DNM3: variants seen among roughly 807,000 people sequenced by gnomAD.
DNM3 encodes dynamin-3.
Under a neutral mutation model 101.6 loss-of-function variants are expected in DNM3, and 47 were observed. The ratio of observed to expected loss-of-function variants is 0.46; its 90% CI spans 0.37 to 0.59. The LOEUF is 0.59. Among genes scored for constraint, DNM3 ranks in the 20% least tolerant of loss-of-function variants. The probability of loss-of-function intolerance (pLI) is 0.00; values close to 1 mark genes in which losing one functional copy is unlikely to be tolerated. For synonymous variants in DNM3, 385 were observed against 387.9 expected, an observed-to-expected ratio of 0.99 and a Z score of 0.09; for missense variants, 849 against 1,085.7, an observed-to-expected ratio of 0.78 and a Z score of 3.06.
At chr1:171,964,607 G>A (rs1044262127) in intron 2 of DNM3, among the ~76,000 whole-genome samples, 2 of 152,084 alleles carry the variant, frequency 1.3e-5, no homozygotes, top group African/African-American at 4.8e-5. Context: ...CATGGGCAAT[G>A]GTCACCCATA....
intron 2 of DNM3, among the ~76,000 whole-genome samples, chr1:171,923,393 A>G (rs918909277): frequency 2.0e-5 from 3 of 151,996 alleles, no homozygotes; most frequent in South Asian, 2.1e-4. Context: ...TGTAACAGAT[A>G]TATATTAAAT....
intron 16 of DNM3, chr1:172,311,028 T>C (rs1162875579): frequency 4.6e-5 from 7 of 152,158 alleles, no homozygotes; most frequent in Admixed American, 1.3e-4. Context: ...AGATTCTTAT[T>C]TCTGAGATGA....
chr1:172,374,464 A>G (rs61806090), intron 17 of DNM3, among the ~76,000 whole-genome samples: 23,032 of 151,676 alleles, frequency 0.15, 2,127 homozygotes, highest in Non-Finnish European at 0.2. Flanking sequence ...TTTCTTCTGT[A>G]CTCCAGAAAG....
intron 2 of DNM3, among the ~76,000 whole-genome samples, chr1:171,983,697 A>G (rs2045010019): frequency 6.6e-6 from 1 of 152,160 alleles, no homozygotes; most frequent in Non-Finnish European, 1.5e-5. Context: ...CTCCATGAAC[A>G]AAAGATGCAT....
In DNM3 at chr1:172,093,570, T is replaced by C. The variant is rs1042231521; in HGVS notation, c.1545+695T>C. 3 of 710,396 alleles carry C rather than the reference T, an allele frequency of 4.2e-6. No individual in the cohort carries two copies. In the East Asian group the frequency reaches 8.3e-5, roughly 20 times the overall value. 44.0% of individuals were successfully genotyped at this position (710,396 alleles called of 1,614,324 possible). ...TAAAAAACTTTCAGAGGTACAATTA[T>C]TGAACAAATTGAAACCTCTGCTCTA... is the stretch of plus-strand genomic sequence containing the variant. On this transcript the variant is annotated intron_variant, in intron 13 of 20. Transcript: ENST00000627582.
intron 15 of DNM3, among the ~76,000 whole-genome samples, chr1:172,266,372 C>A (rs1308263857): frequency 6.6e-6 from 1 of 152,054 alleles, no homozygotes; most frequent in Non-Finnish European, 1.5e-5. Context: ...AACAATTACT[C>A]TTCCATAAAT....
At chr1:172,415,524 G>GGTTTTT (rs1231581260), downstream of DNM3, 1 of 99,130 alleles carries the variant, frequency 1.0e-5, no homozygotes, top group Non-Finnish European at 1.9e-5. Context: ...TTTTTTGTGA[G>GGTTTTT]TTTTTTTTTT....
At chr1:172,156,431 C>A (rs2148262438) in intron 14 of DNM3, among the ~76,000 whole-genome samples, 1 of 152,144 alleles carries the variant, frequency 6.6e-6, no homozygotes, top group South Asian at 2.1e-4. Flanking sequence ...TTGTAATCTT[C>A]TTAGTTTTGA....
chr1:172,147,856 T>C lies in DNM3; in HGVS notation c.1659+16568T>C, dbSNP rs550367474. Among the ~76,000 whole-genome samples the C allele has an allele frequency of 2.0e-5, 3 of 152,272 alleles. No homozygotes were observed. The East Asian group carries it at 5.8e-4, about 29-fold the overall frequency. On this transcript the variant is annotated intron_variant, in intron 14 of 20. Transcript: ENST00000627582. ...AACCCTTTCTGTCTTCCCAAACTAA[T>C]GGTAACTGTTTGGCATGATTCCTTT... is the stretch of plus-strand genomic sequence containing the variant.
rs560697761 is a variant in DNM3 at position 171,994,076 on chromosome 1, G to A, written c.589+4928G>A. Among the ~76,000 whole-genome samples the A allele has an allele frequency of 4.0e-5, 6 of 151,528 alleles. No individual in the cohort carries two copies. In the South Asian group the frequency reaches 6.3e-4, roughly 16 times the overall value. ...TTAAAATAGATGATTTAAAGCCTTT[G>A]TCTAGTAATTTCAATTTCTGGGATT... On this transcript the variant is annotated intron_variant, in intron 4 of 20. Coordinates refer to ENST00000627582, the MANE Select transcript of DNM3 (RefSeq NM_015569.5).
intron 15 of DNM3, among the ~76,000 whole-genome samples, chr1:172,292,623 A>ACACACACACACG (rs1339308974): frequency 4.7e-5 from 7 of 147,772 alleles, no homozygotes; most frequent in South Asian, 4.3e-4. Context: ...ACACACACAC[A>ACACACACACACG]CGCGCGTGCG....
intron 1 of DNM3, among the ~76,000 whole-genome samples, chr1:171,858,518 G>T (rs2033847292): frequency 6.6e-6 from 1 of 152,116 alleles, no homozygotes; most frequent in Admixed American, 6.6e-5. Flanking sequence ...GAAAAGATTG[G>T]TCCATCCCAG....
intron 14 of DNM3, among the ~76,000 whole-genome samples, chr1:172,188,349 G>A (rs2059592040): frequency 6.6e-6 from 1 of 152,066 alleles, no homozygotes; most frequent in Non-Finnish European, 1.5e-5. Flanking sequence ...GAGTAGCTGG[G>A]AATCCAGGTT....
intron 14 of DNM3, among the ~76,000 whole-genome samples, chr1:172,252,194 T>G (rs2062197758): frequency 6.6e-6 from 1 of 152,162 alleles, no homozygotes; most frequent in Non-Finnish European, 1.5e-5. Context: ...TCTAAGCGAC[T>G]TCCTTCAATG....
intron 10 of DNM3, among the ~76,000 whole-genome samples, chr1:172,056,284 C>G (rs1181355402): frequency 6.6e-6 from 1 of 152,200 alleles, no homozygotes; most frequent in African/African-American, 2.4e-5. Flanking sequence ...CCGACATTGC[C>G]CAGGCTTGCT....
rs562606055 is a variant in DNM3, at chr1:171,846,300, G to A, written c.161+4483G>A. ...AATTCCTTTTTTATTAGTAATGTCT[G>A]AGAGCAATATAACTAAGATAACTAG... is the stretch of plus-strand genomic sequence containing the variant. On this transcript the variant is annotated intron_variant, in intron 1 of 20. Transcript: ENST00000627582. Among the ~76,000 whole-genome samples the A allele has an allele frequency of 1.0e-3, 153 of 152,254 alleles. 3 individuals carry two copies. The South Asian group carries it at 0.031, about 31-fold the overall frequency.
intron 14 of DNM3, among the ~76,000 whole-genome samples, chr1:172,178,754 T>C (rs2059243270): frequency 6.6e-6 from 1 of 151,910 alleles, no homozygotes; most frequent in Non-Finnish European, 1.5e-5. Flanking sequence ...AAAGAGTAAG[T>C]CACTGGGTTT....
intron 16 of DNM3, among the ~76,000 whole-genome samples, chr1:172,322,440 A>T (rs1557994128): frequency 6.6e-6 from 1 of 152,316 alleles, no homozygotes; most frequent in Admixed American, 6.5e-5. Flanking sequence ...CTGCCCCGGG[A>T]GTAATGAATC....
Position 172,327,580 on chromosome 1 carries a change from TATA to T in DNM3, c.1893+4244_1893+4246del, listed in dbSNP as rs377672200. Among the ~76,000 whole-genome samples, 16 of 152,300 alleles carry T rather than the reference TATA, an allele frequency of 1.1e-4. No homozygotes were observed. In the East Asian group the frequency reaches 2.9e-3, roughly 28 times the overall value. On this transcript the variant is annotated intron_variant, in intron 17 of 20. Coordinates refer to ENST00000627582, the MANE Select transcript of DNM3 (RefSeq NM_015569.5). ...AGTGTCATAATGTACATTTTCTTTG[TATA>T]ATATTAAATGCATGACCAAAAGTCA...
Sources: allele counts gnomAD v4.1 joint callset (sites outside exome capture counted in the v4.1 genomes callset), GRCh38; gene constraint gnomAD v4.1.1; transcripts MANE v1.5; gene names NCBI Gene and HGNC (gene_info 2026-07-23, HGNC 2026-07-21).